CAPN13: variants seen among roughly 807,000 people sequenced by gnomAD.
The protein encoded by CAPN13 is calpain 13.
A neutral mutation model predicts 98.4 loss-of-function variants in CAPN13; 90 were observed. The observed-to-expected ratio is 0.92, with a 90% confidence interval of 0.77 to 1.09. The LOEUF is 1.09. CAPN13 is among the 50% of genes least tolerant of loss of function. The probability of loss-of-function intolerance (pLI) is 0.00; values close to 1 mark genes in which losing one functional copy is unlikely to be tolerated. For missense variants in CAPN13, 887 were observed against 841.3 expected (o/e 1.05, Z -0.67); for synonymous variants, 330 against 305.5 (o/e 1.08, Z -0.84).
At chr2:30,789,578 G>A (rs1674499387) in intron 1 of CAPN13, among the ~76,000 whole-genome samples, 2 of 152,192 alleles carry the variant, frequency 1.3e-5, no homozygotes, top group African/African-American at 2.4e-5. Flanking sequence ...TGCACTATTG[G>A]ATGGAGGACT....
intron 8 of CAPN13, among the ~76,000 whole-genome samples, chr2:30,757,259 C>T (rs910993277): frequency 6.6e-6 from 1 of 152,242 alleles, no homozygotes; most frequent in African/African-American, 2.4e-5. Flanking sequence ...TAACCTGTTG[C>T]GGCCCCTCTG....
intron 2 of CAPN13, among the ~76,000 whole-genome samples, chr2:30,781,547 C>T (rs1293924758): frequency 6.6e-6 from 1 of 152,134 alleles, no homozygotes; most frequent in African/African-American, 2.4e-5. Flanking sequence ...CTATTCAGGG[C>T]CTAAACAGAA....
chr2:30,793,416 A>C (rs1014321281), intron 1 of CAPN13, among the ~76,000 whole-genome samples: 7 of 151,724 alleles, frequency 4.6e-5, no homozygotes, highest in Non-Finnish European at 1.0e-4. Context: ...AAAAACTATA[A>C]AACATTGCTG....
intron 22 of CAPN13, among the ~76,000 whole-genome samples, chr2:30,725,298 A>G (rs6735522): frequency 0.43 from 65,543 of 152,032 alleles, 14,291 homozygotes; most frequent in East Asian, 0.65. Flanking sequence ...CAATGTGACA[A>G]CAAGGCATAC....
chr2:30,727,930 G>GA (rs1670916448), intron 22 of CAPN13, among the ~76,000 whole-genome samples: 1 of 151,684 alleles, frequency 6.6e-6, no homozygotes, highest in African/African-American at 2.4e-5. Context: ...AGGAATAGAT[G>GA]AAAAAAATGG....
At chr2:30,805,656 A>G (rs929578482) in intron 1 of CAPN13, among the ~76,000 whole-genome samples, 5 of 151,668 alleles carry the variant, frequency 3.3e-5, no homozygotes, top group Admixed American at 6.6e-5. Context: ...CCAAGAGGTT[A>G]AGGAGCATGC....
chr2:30,794,864 G>A (rs1674779300), intron 1 of CAPN13, among the ~76,000 whole-genome samples: 2 of 151,902 alleles, frequency 1.3e-5, no homozygotes, highest in Non-Finnish European at 1.5e-5. Context: ...AAGTTCAGTG[G>A]TTGCTCAGAA....
chr2:30,743,454 C>A lies in CAPN13; in HGVS notation c.1374G>T (p.Val458=). ...CTGATTTTCTCCGTGTCTGTGCAAC[C>A]ACAACATAGTTCCCAGGGCTCAGAT... ...TYHLSPGNYV[V]VAQTRRKSAE... The change falls in exon 13 of 23, where the codon GTG becomes GTT. Residue 458 remains valine, a synonymous_variant. Coordinates refer to ENST00000295055, the MANE Select transcript of CAPN13 (RefSeq NM_144575.3). 1.2e-6 allele frequency: 2 copies of A among 1,613,972 alleles called. No homozygotes were observed. Among genetic ancestry groups the A allele is most frequent in the African/African-American group, 1.3e-5 (1 of 75,014 alleles).
intron 1 of CAPN13, among the ~76,000 whole-genome samples, chr2:30,801,642 A>C (rs957724140): frequency 1.6e-4 from 22 of 137,736 alleles, no homozygotes; most frequent in Non-Finnish European, 2.8e-4. Flanking sequence ...AAGAAGAAGA[A>C]AAAGAAAATG....
intron 1 of CAPN13, among the ~76,000 whole-genome samples, chr2:30,789,816 A>C (rs187848634): frequency 1.1e-4 from 16 of 152,314 alleles, no homozygotes; most frequent in Admixed American, 2.0e-4. Context: ...GAGGCCCAAC[A>C]CTGTCTAAGA....
intron 1 of CAPN13, chr2:30,806,216 C>G (rs1259413858): frequency 6.6e-6 from 1 of 152,178 alleles, no homozygotes; most frequent in East Asian, 1.9e-4. Flanking sequence ...TCATTTGCAT[C>G]TGGTATAAAC....
chr2:30,728,067 T>C (rs1670921592), intron 22 of CAPN13, among the ~76,000 whole-genome samples: 1 of 151,790 alleles, frequency 6.6e-6, no homozygotes, highest in Non-Finnish European at 1.5e-5. Context: ...GACCACATGT[T>C]GTATGAATCT....
chr2:30,795,161 T>A (rs1302316686), intron 1 of CAPN13, among the ~76,000 whole-genome samples: 2 of 152,042 alleles, frequency 1.3e-5, no homozygotes, highest in African/African-American at 2.4e-5. Context: ...TATGATTTAT[T>A]TGTACTTCTC....
rs1188857022 is a variant in CAPN13 at position 30,738,463 on chromosome 2, C to T, written c.1537-6G>A. On this transcript the variant is annotated splice_polypyrimidine_tract_variant and splice_region_variant and intron_variant, in intron 15 of 22. Coordinates refer to ENST00000295055, the MANE Select transcript of CAPN13 (RefSeq NM_144575.3). ...GTGGCATCAATGTCCAGCCTCTGAT[C>T]CAAACAAGGAAGGAATGCAGGAATT... The T allele has an allele frequency of 1.9e-6, 3 of 1,600,446 alleles. No homozygotes were observed. The highest frequency in any genetic ancestry group is 2.7e-5 in the African/African-American group (2 of 74,794).
chr2:30,787,923 C>A (rs192827324), intron 1 of CAPN13, among the ~76,000 whole-genome samples: 2 of 152,216 alleles, frequency 1.3e-5, no homozygotes, highest in East Asian at 3.9e-4. Context: ...TAGGAGCAAT[C>A]TGGGGACCAG....
At position 30,791,356 on chromosome 2, in the gene CAPN13, C is replaced by T. The variant is rs79079923; in HGVS notation, c.-32-3999G>A. 7.2e-3 allele frequency among the ~76,000 whole-genome samples: 1,094 copies of T among 152,246 alleles called. 9 individuals carry two copies. The highest frequency in any genetic ancestry group is 0.025 in the African/African-American group (1,039 of 41,530). ...AGTATCTTGATATGCCAGCACCTAG[C>T]GCTAGGCCTGGCACATAGTAGGTAT... On this transcript the variant is annotated intron_variant, in intron 1 of 22. Coordinates refer to ENST00000295055, the MANE Select transcript of CAPN13 (RefSeq NM_144575.3).
chr2:30,773,460 T>C (rs1018914564), intron 4 of CAPN13, among the ~76,000 whole-genome samples: 1 of 152,162 alleles, frequency 6.6e-6, no homozygotes, highest in Non-Finnish European at 1.5e-5. Flanking sequence ...ATATGCTTTT[T>C]ATAAGAAACA....
At chr2:30,748,380 A>T (rs1672018896) in intron 11 of CAPN13, among the ~76,000 whole-genome samples, 1 of 152,328 alleles carries the variant, frequency 6.6e-6, no homozygotes, top group South Asian at 2.1e-4. Flanking sequence ...GTGGGCTGAA[A>T]GATGCTTCTT....
chr2:30,780,648 T>C (rs1442988947), intron 2 of CAPN13, among the ~76,000 whole-genome samples: 1 of 152,234 alleles, frequency 6.6e-6, no homozygotes, highest in African/African-American at 2.4e-5. Flanking sequence ...AATAGTCAAC[T>C]TCAAGTTTAT....
Sources: gnomAD v4.1 joint callset for allele counts (sites outside exome capture counted in the v4.1 genomes callset) on GRCh38, gnomAD v4.1.1 for gene constraint, MANE v1.5 for transcripts, NCBI Gene and HGNC (gene_info 2026-07-23, HGNC 2026-07-21) for gene names.